Variants in CNPY1 observed in about 807,000 individuals in gnomAD.
CNPY1 encodes protein canopy homolog 1.
CNPY1 carries 14 observed loss-of-function variants against 14.4 expected under a neutral mutation model. That is an observed-to-expected ratio of 0.97 (90% confidence interval 0.64 to 1.52). The LOEUF is 1.52. CNPY1 is among the 40% of genes most tolerant of loss of function. CNPY1 has a pLI of 0.00. For missense variants in CNPY1, 129 were observed against 131.5 expected, an observed-to-expected ratio of 0.98 and a Z score of 0.09; for synonymous variants, 43 against 46.5, an observed-to-expected ratio of 0.92 and a Z score of 0.31.
chr7:155,505,403 T>A (rs930400395), intron 4 of CNPY1, among the ~76,000 whole-genome samples: 7 of 152,244 alleles, frequency 4.6e-5, no homozygotes, highest in Admixed American at 2.0e-4. Flanking sequence ...TGCACCTATC[T>A]TAGGTTTATT....
chr7:155,543,464 C>T (rs1797125199), intron 2 of CNPY1, among the ~76,000 whole-genome samples: 1 of 152,194 alleles, frequency 6.6e-6, no homozygotes, highest in Admixed American at 6.5e-5. Flanking sequence ...GGCCAAGTAG[C>T]CTGCTGACGG....
chr7:155,517,167 A>G lies in CNPY1; in HGVS notation c.100-8070T>C, dbSNP rs142646834. The stretch of plus-strand genomic sequence containing the variant: ...CTGTATCTGGAGATAGGATCTTTGA[A>G]GAGGGGATTAAGATCAGATCGGGTC... On this transcript the variant is annotated intron_variant, in intron 2 of 4. Coordinates refer to ENST00000636446, the MANE Select transcript of CNPY1 (RefSeq NM_001393663.1). Among the ~76,000 whole-genome samples, 574 of 152,306 alleles carry G rather than the reference A, an allele frequency of 3.8e-3. 6 individuals are homozygous for G. The highest frequency in any genetic ancestry group is 0.013 in the African/African-American group (544 of 41,568).
intron 2 of CNPY1, among the ~76,000 whole-genome samples, chr7:155,539,103 G>T (rs28474733): frequency 3.4e-5 from 5 of 147,576 alleles, no homozygotes; most frequent in Non-Finnish European, 7.5e-5. Context: ...AGCGTAGGCC[G>T]CTAAGCCAAA....
At chr7:155,528,924 G>T (rs1796884317) in intron 2 of CNPY1, among the ~76,000 whole-genome samples, 1 of 152,184 alleles carries the variant, frequency 6.6e-6, no homozygotes, top group Admixed American at 6.5e-5. Context: ...AGCCAGGCAT[G>T]GTGGCAGGCG....
At chr7:155,511,641 G>A (rs80327060) in intron 2 of CNPY1, among the ~76,000 whole-genome samples, 3,878 of 152,284 alleles carry the variant, frequency 0.025, 151 homozygotes, top group African/African-American at 0.087. Context: ...TATGAAGGCT[G>A]ACTGGCTTTT....
intron 2 of CNPY1, among the ~76,000 whole-genome samples, chr7:155,513,054 T>A (rs900416321): frequency 6.6e-6 from 1 of 152,216 alleles, no homozygotes; most frequent in Non-Finnish European, 1.5e-5. Context: ...AGGGGAAGCA[T>A]GAATTCAGAA....
Position 155,528,831 on chromosome 7 carries a change from T to C in CNPY1, c.99+17000A>G, listed in dbSNP as rs543229661. Among the ~76,000 whole-genome samples the C allele has an allele frequency of 4.6e-5, 7 of 152,054 alleles. No individual in the cohort carries two copies. In the East Asian group the frequency reaches 5.8e-4, roughly 13 times the overall value. On this transcript the variant is annotated intron_variant, in intron 2 of 4. Transcript: ENST00000636446. Reference sequence around the variant, plus strand: ...ATCCCAGCACTTTGGGAGGCCAAGGTGGGCAGATCACGAGGTCAGGAGATC... The same window carrying C: ...ATCCCAGCACTTTGGGAGGCCAAGGCGGGCAGATCACGAGGTCAGGAGATC...
chr7:155,505,187 A>G (rs890342430), intron 4 of CNPY1, among the ~76,000 whole-genome samples: 13 of 152,200 alleles, frequency 8.5e-5, no homozygotes, highest in African/African-American at 2.4e-4. Context: ...AACACCCATA[A>G]ATATGTTTCA....
Position 155,502,630 on chromosome 7 carries a change from T to C in CNPY1, c.*438A>G, listed in dbSNP as rs555578407. 1 of 155,376 alleles carries C rather than the reference T, an allele frequency of 6.4e-6. No homozygotes were observed. Among genetic ancestry groups the C allele is most frequent in the Non-Finnish European group, 1.4e-5 (1 of 70,154 alleles). The allele number at this position is 155,376 out of a possible 1,614,324, so 9.6% of individuals were successfully genotyped here. On this transcript the variant is annotated 3_prime_UTR_variant, in exon 5 of 5. Transcript: ENST00000636446. The stretch of plus-strand genomic sequence containing the variant: ...ACATTTTGAATTTGTTGCCATGTAT[T>C]TCCTTAAATTTATAGGCAATCAAGT...
At chr7:155,542,502 G>A (rs1372981208) in intron 2 of CNPY1, among the ~76,000 whole-genome samples, 2 of 152,306 alleles carry the variant, frequency 1.3e-5, no homozygotes, top group Admixed American at 1.3e-4. Context: ...CTCACTGCTG[G>A]GCCTCACGTG....
chr7:155,532,901 A>G (rs1477151937), intron 2 of CNPY1, among the ~76,000 whole-genome samples: 4 of 152,092 alleles, frequency 2.6e-5, no homozygotes, highest in Non-Finnish European at 4.4e-5. Context: ...GGGAACCATG[A>G]CGGATAAAGT....
rs78246437 is a variant in CNPY1 at position 155,509,751 on chromosome 7, C to T, written c.100-654G>A. On this transcript the variant is annotated intron_variant, in intron 2 of 4. Coordinates refer to ENST00000636446, the MANE Select transcript of CNPY1 (RefSeq NM_001393663.1). ...GGCGCCCCATCTCCCAGGCGGGCTC[C>T]TCGGCTGCTTTCTTTGGGAACAGCT... is the stretch of plus-strand genomic sequence containing the variant. Among the ~76,000 whole-genome samples, 1,003 of 152,324 alleles carry T rather than the reference C, an allele frequency of 6.6e-3. 15 individuals carry two copies. Among genetic ancestry groups the T allele is most frequent in the African/African-American group, 0.023 (960 of 41,578 alleles).
chr7:155,518,046 G>T (rs1233909788), intron 2 of CNPY1, among the ~76,000 whole-genome samples: 2 of 152,148 alleles, frequency 1.3e-5, no homozygotes, highest in South Asian at 4.1e-4. Flanking sequence ...AAGGCCCACT[G>T]GTCCCTTCAC....
intron 2 of CNPY1, among the ~76,000 whole-genome samples, chr7:155,537,445 C>T (rs1480439603): frequency 7.1e-6 from 1 of 141,696 alleles, no homozygotes; most frequent in African/African-American, 2.6e-5. Context: ...TTTTTTGAGA[C>T]GGAGTTTCGC....
At chr7:155,517,905 G>A (rs948749985) in intron 2 of CNPY1, among the ~76,000 whole-genome samples, 10 of 152,134 alleles carry the variant, frequency 6.6e-5, no homozygotes, top group Admixed American at 2.0e-4. Flanking sequence ...TTTTATCTCC[G>A]ATAGCCATCA....
intron 2 of CNPY1, among the ~76,000 whole-genome samples, chr7:155,539,934 G>A (rs1797065464): frequency 6.6e-6 from 1 of 152,128 alleles, no homozygotes; most frequent in Admixed American, 6.5e-5. Context: ...GTTATGGGAA[G>A]GTGAGGGGTA....
At chr7:155,524,086 G>A (rs1001524013) in intron 2 of CNPY1, among the ~76,000 whole-genome samples, 3 of 152,196 alleles carry the variant, frequency 2.0e-5, no homozygotes, top group South Asian at 2.1e-4. Flanking sequence ...TTTGCCCCAC[G>A]AGGGAATCAT....
chr7:155,531,273 T>C (rs1407388749), intron 2 of CNPY1, among the ~76,000 whole-genome samples: 1 of 152,192 alleles, frequency 6.6e-6, no homozygotes, highest in Admixed American at 6.5e-5. Flanking sequence ...AGAAAGCCTT[T>C]TTTGAAAGGA....
chr7:155,505,354 A>G (rs1796269254), intron 4 of CNPY1, among the ~76,000 whole-genome samples: 1 of 152,240 alleles, frequency 6.6e-6, no homozygotes, highest in African/African-American at 2.4e-5. Flanking sequence ...ATGCCAATTA[A>G]GAATTATCTC....
Sources: allele counts gnomAD v4.1 joint callset (sites outside exome capture counted in the v4.1 genomes callset), GRCh38; gene constraint gnomAD v4.1.1; transcripts MANE v1.5; gene names NCBI Gene and HGNC (gene_info 2026-07-23, HGNC 2026-07-21).